Variants in SPACA7 observed in about 807,000 individuals in gnomAD.
SPACA7 encodes sperm acrosome-associated protein 7.
In SPACA7, 19 loss-of-function variants were observed where a neutral mutation model predicts 26.3. The observed-to-expected ratio is 0.72, with a 90% CI of 0.50 to 1.06. The LOEUF is 1.06. Ranked by LOEUF, SPACA7 falls within the 50% of genes least tolerant of loss-of-function variation. The probability of loss-of-function intolerance (pLI) is 0.00; values close to 1 mark genes in which losing one functional copy is unlikely to be tolerated. For synonymous variants in SPACA7, 84 were observed against 84.5 expected (o/e 0.99, Z 0.04); for missense variants, 211 against 229.9 (o/e 0.92, Z 0.53).
intron 1 of SPACA7, chr13:112,378,652 T>C: frequency 2.1e-6 from 1 of 470,812 alleles, no homozygotes; most frequent in South Asian, 1.6e-5. Context: ...GGTCTCGAGG[T>C]TCCCAAAGTT....
At chr13:112,396,583 G>A (rs2138936804) in intron 2 of SPACA7, among the ~76,000 whole-genome samples, 2 of 152,312 alleles carry the variant, frequency 1.3e-5, no homozygotes, top group Middle Eastern at 3.4e-3. Flanking sequence ...CCCAGTAAAT[G>A]CTTGCCATTC....
At position 112,399,049 on chromosome 13, in the gene SPACA7, C is replaced by A; in HGVS notation, c.242-17C>A. The A allele has an allele frequency of 6.6e-7, 1 of 1,513,346 alleles. No individual in the cohort carries two copies. Among genetic ancestry groups the A allele is most frequent in the Non-Finnish European group, 9.1e-7 (1 of 1,095,802 alleles). 93.7% of individuals were successfully genotyped at this position (1,513,346 alleles called of 1,614,324 possible). On this transcript the variant is annotated splice_polypyrimidine_tract_variant and intron_variant, in intron 3 of 6. Transcript: ENST00000283550. ...AAGAAAACTTTTCCCCATTTTTTTCCATGTTCTTCATTGAAGATGCTGGTA... is the reference window on the plus strand; with the variant it reads ...AAGAAAACTTTTCCCCATTTTTTTCAATGTTCTTCATTGAAGATGCTGGTA...
At chr13:112,399,203 C>A in intron 4 of SPACA7, 30 bp downstream of exon 4, 3 of 1,183,762 alleles carry the variant, frequency 2.5e-6, no homozygotes, top group African/African-American at 1.5e-5. Context: ...TACCCCTTCC[C>A]AAGTCCAGCT....
chr13:112,406,303 G>A (rs933803384), intron 5 of SPACA7, among the ~76,000 whole-genome samples: 7 of 152,102 alleles, frequency 4.6e-5, no homozygotes, highest in African/African-American at 1.7e-4. Context: ...CTGTTTCTAT[G>A]AATTTGACTA....
intron 1 of SPACA7, chr13:112,382,524 CG>C (rs1884145917): frequency 1.3e-6 from 2 of 1,548,858 alleles, no homozygotes; most frequent in African/African-American, 2.7e-5. Flanking sequence ...ACAGTGGAAC[CG>C]TTTTGCAACT....
chr13:112,412,728 T>G (rs1886429053), intron 5 of SPACA7, among the ~76,000 whole-genome samples: 1 of 152,160 alleles, frequency 6.6e-6, no homozygotes, highest in African/African-American at 2.4e-5. Context: ...TTTTCAAATG[T>G]ATGTTCTTAG....
At chr13:112,397,528 A>G (rs1327494366) in intron 2 of SPACA7, among the ~76,000 whole-genome samples, 1 of 152,188 alleles carries the variant, frequency 6.6e-6, no homozygotes, top group Admixed American at 6.5e-5. Flanking sequence ...CTTGTCCAAG[A>G]TCACATTCTG....
At position 112,415,083 on chromosome 13, in the gene SPACA7, T is replaced by A. The variant is rs551581394; in HGVS notation, c.445+13919T>A. Among the ~76,000 whole-genome samples, 7 of 152,342 alleles carry A rather than the reference T, an allele frequency of 4.6e-5. No individual in the cohort carries two copies. In the East Asian group the frequency reaches 1.4e-3, roughly 29 times the overall value. On this transcript the variant is annotated intron_variant, in intron 5 of 6. Transcript: ENST00000283550. ...TGCAAATCTCTTGCAACCTCCTAGA[T>A]ACCCAGCTCTGATGCAGTTGGGGAA...
At chr13:112,377,416 A>G (rs1015780751) in intron 1 of SPACA7, among the ~76,000 whole-genome samples, 3 of 152,148 alleles carry the variant, frequency 2.0e-5, no homozygotes, top group Non-Finnish European at 4.4e-5. Context: ...TATTATGGAA[A>G]ATTTCTAACT....
intron 1 of SPACA7, among the ~76,000 whole-genome samples, chr13:112,391,443 G>A (rs1258431122): frequency 6.6e-6 from 1 of 152,166 alleles, no homozygotes; most frequent in African/African-American, 2.4e-5. Context: ...GATTGAGAAG[G>A]GTGCAGTGCT....
At chr13:112,414,855 G>A (rs1886588259) in intron 5 of SPACA7, among the ~76,000 whole-genome samples, 1 of 152,144 alleles carries the variant, frequency 6.6e-6, no homozygotes, top group Admixed American at 6.6e-5. Context: ...TTTTCTGAAT[G>A]TTCTTAATGC....
intron 5 of SPACA7, among the ~76,000 whole-genome samples, chr13:112,424,769 G>C (rs180742437): frequency 1.3e-5 from 2 of 152,128 alleles, no homozygotes; most frequent in African/African-American, 2.4e-5. Flanking sequence ...AGGAACACAA[G>C]AGGCAGGGCC....
intron 1 of SPACA7, among the ~76,000 whole-genome samples, chr13:112,380,907 A>G (rs1007684397): frequency 6.6e-6 from 1 of 152,236 alleles, no homozygotes; most frequent in Non-Finnish European, 1.5e-5. Context: ...TGTGTCACAT[A>G]TAGCATTCTG....
chr13:112,390,117 A>G (rs560473661), intron 1 of SPACA7, among the ~76,000 whole-genome samples: 12 of 146,114 alleles, frequency 8.2e-5, no homozygotes, highest in Admixed American at 6.9e-4. Flanking sequence ...GCTGAGTGGG[A>G]AGAGAAGGGT....
intron 1 of SPACA7, among the ~76,000 whole-genome samples, chr13:112,382,906 T>A (rs562079649): frequency 3.3e-5 from 5 of 151,674 alleles, no homozygotes; most frequent in African/African-American, 1.2e-4. Flanking sequence ...GGAGAATCAG[T>A]TGAACCTGGG....
At chr13:112,420,874 CA>C (rs1361413254) in intron 5 of SPACA7, among the ~76,000 whole-genome samples, 2 of 152,068 alleles carry the variant, frequency 1.3e-5, no homozygotes, top group African/African-American at 4.8e-5. Flanking sequence ...ATAGGAATTA[CA>C]GCAAACTTCA....
intron 1 of SPACA7, among the ~76,000 whole-genome samples, chr13:112,379,198 G>A (rs1011743593): frequency 2.6e-5 from 4 of 152,082 alleles, no homozygotes; most frequent in East Asian, 1.9e-4. Context: ...TTACAAATCC[G>A]TCAATGTCTC....
At chr13:112,379,229 A>G (rs1171863541) in intron 1 of SPACA7, among the ~76,000 whole-genome samples, 1 of 152,238 alleles carries the variant, frequency 6.6e-6, no homozygotes, top group African/African-American at 2.4e-5. Context: ...GGAAAAGTCC[A>G]GTCTAATAGT....
At chr13:112,432,608 G>GT (rs1388628078) in intron 6 of SPACA7, 87 bp downstream of exon 6, 2 of 1,053,190 alleles carry the variant, frequency 1.9e-6, no homozygotes, top group African/African-American at 3.1e-5. Context: ...GCAGCTCCAG[G>GT]GAGAGCAGGT....
Sources: gnomAD v4.1 joint callset for allele counts (sites outside exome capture counted in the v4.1 genomes callset) on GRCh38, gnomAD v4.1.1 for gene constraint, MANE v1.5 for transcripts, NCBI Gene and HGNC (gene_info 2026-07-23, HGNC 2026-07-21) for gene names.